ATAD1: variants seen among roughly 807,000 people sequenced by gnomAD.
ATAD1 encodes ATPase family AAA domain containing 1.
A neutral mutation model predicts 42.7 loss-of-function variants in ATAD1; 18 were observed. That is an observed-to-expected ratio of 0.42 (90% CI 0.29 to 0.63). The LOEUF (loss-of-function observed/expected upper bound fraction) is 0.63. Ranked by LOEUF, ATAD1 falls within the 20% of genes least tolerant of loss-of-function variation. The pLI, the probability that ATAD1 is intolerant of heterozygous loss-of-function variation, is 0.19. For missense variants in ATAD1, 294 were observed against 440.4 expected, an observed-to-expected ratio of 0.67 and a Z score of 2.98; for synonymous variants, 132 against 143.1, an observed-to-expected ratio of 0.92 and a Z score of 0.55.
At chr10:87,761,703 T>C (rs1016119851) in intron 8 of ATAD1, among the ~76,000 whole-genome samples, 1 of 152,028 alleles carries the variant, frequency 6.6e-6, no homozygotes, top group African/African-American at 2.4e-5. Context: ...TAAAAGAATT[T>C]CCAAAGACAG....
intron 8 of ATAD1, among the ~76,000 whole-genome samples, chr10:87,761,984 A>G (rs1222315049): frequency 6.6e-6 from 1 of 152,166 alleles, no homozygotes; most frequent in East Asian, 1.9e-4. Context: ...GCCTCAAGTG[A>G]TCCTCCCACC....
At chr10:87,840,329 G>C (rs530315446) in intron 1 of ATAD1, among the ~76,000 whole-genome samples, 2 of 152,084 alleles carry the variant, frequency 1.3e-5, no homozygotes, top group South Asian at 4.2e-4. Flanking sequence ...AAAAATAAAA[G>C]TAAAAAATTA....
chr10:87,817,989 G>A (rs1857505419), intron 1 of ATAD1, 178 bp downstream of exon 1: 28 of 985,714 alleles, frequency 2.8e-5, no homozygotes, highest in Non-Finnish European at 3.3e-5. Context: ...CGCCCTTGGA[G>A]GTTAATCCTC....
chr10:87,765,857 A>T (rs1184160214), intron 8 of ATAD1, among the ~76,000 whole-genome samples: 1 of 151,948 alleles, frequency 6.6e-6, no homozygotes, highest in East Asian at 1.9e-4. Flanking sequence ...GCAAGATACC[A>T]TCTCAACAAA....
At chr10:87,768,292 T>C (rs773813304) in intron 7 of ATAD1, among the ~76,000 whole-genome samples, 1 of 152,208 alleles carries the variant, frequency 6.6e-6, no homozygotes, top group Non-Finnish European at 1.5e-5. Flanking sequence ...GCTCCTTTTA[T>C]AGAATCCCTC....
At chr10:87,782,043 A>G (rs998780757) in intron 5 of ATAD1, among the ~76,000 whole-genome samples, 2 of 152,150 alleles carry the variant, frequency 1.3e-5, no homozygotes. Flanking sequence ...ACATCCTCAG[A>G]TAAGTGGCTT....
intron 5 of ATAD1, among the ~76,000 whole-genome samples, chr10:87,778,392 T>C (rs941310964): frequency 7.3e-6 from 1 of 136,488 alleles, no homozygotes; most frequent in Non-Finnish European, 1.6e-5. Context: ...CCCTCCCTTA[T>C]CCAAGATGCT....
At chr10:87,839,973 A>G (rs1858002163) in intron 1 of ATAD1, among the ~76,000 whole-genome samples, 1 of 152,188 alleles carries the variant, frequency 6.6e-6, no homozygotes, top group African/African-American at 2.4e-5. Context: ...TGGTGGCCAG[A>G]GACATGAATT....
At chr10:87,798,710 C>T (rs939212872) in intron 2 of ATAD1, among the ~76,000 whole-genome samples, 6 of 145,118 alleles carry the variant, frequency 4.1e-5, no homozygotes, top group Admixed American at 7.0e-5. Flanking sequence ...CAATTAAATC[C>T]ACTTTAATTT....
At chr10:87,774,681 G>A (rs1439418839) in intron 6 of ATAD1, among the ~76,000 whole-genome samples, 1 of 152,152 alleles carries the variant, frequency 6.6e-6, no homozygotes, top group Non-Finnish European at 1.5e-5. Context: ...CAGGCACAGT[G>A]GCTTAACCTG....
chr10:87,817,284 C>A (rs770221131), intron 1 of ATAD1, among the ~76,000 whole-genome samples: 1 of 152,286 alleles, frequency 6.6e-6, no homozygotes, highest in African/African-American at 2.4e-5. Flanking sequence ...AAGCTGCATG[C>A]GCATACAACA....
chr10:87,832,692 T>G (rs539326106), intron 1 of ATAD1: 1 of 152,218 alleles, frequency 6.6e-6, no homozygotes, highest in Admixed American at 6.5e-5. Context: ...CAATTTAAAA[T>G]TGTATTAATT....
intron 1 of ATAD1, among the ~76,000 whole-genome samples, chr10:87,816,647 C>T (rs970188391): frequency 8.5e-5 from 13 of 152,118 alleles, no homozygotes; most frequent in African/African-American, 3.1e-4. Flanking sequence ...CCAAAGTGTG[C>T]TATCTTCCAT....
At chr10:87,833,928 C>A (rs747206076) in intron 1 of ATAD1, among the ~76,000 whole-genome samples, 1 of 152,014 alleles carries the variant, frequency 6.6e-6, no homozygotes, top group Non-Finnish European at 1.5e-5. Context: ...GTTTGCCAGG[C>A]TGCTCTCGAA....
intron 5 of ATAD1, among the ~76,000 whole-genome samples, chr10:87,782,239 C>T (rs561877246): frequency 1.1e-4 from 16 of 152,178 alleles, no homozygotes; most frequent in Non-Finnish European, 2.2e-4. Flanking sequence ...AGCTTTAAGA[C>T]GCTGAATGTG....
At chr10:87,811,693 C>T (rs542674626) in intron 2 of ATAD1, among the ~76,000 whole-genome samples, 1 of 152,306 alleles carries the variant, frequency 6.6e-6, no homozygotes, top group Non-Finnish European at 1.5e-5. Context: ...GATATCTACA[C>T]ATACAGGAAT....
intron 1 of ATAD1, chr10:87,831,997 GCTAT>G (rs1444492214): frequency 6.6e-6 from 1 of 151,440 alleles, no homozygotes; most frequent in Admixed American, 6.6e-5. Context: ...TTGTACCTGG[GCTAT>G]CTAATTCTAG....
chr10:87,767,580 A>T (rs1486158557), intron 8 of ATAD1, 93 bp downstream of exon 8: 2 of 1,182,272 alleles, frequency 1.7e-6, no homozygotes, highest in African/African-American at 3.1e-5. Flanking sequence ...CTTGGGGTAT[A>T]TCATTCTCAG....
chr10:87,791,278 G>C (rs1235551148), intron 3 of ATAD1, among the ~76,000 whole-genome samples: 9 of 151,538 alleles, frequency 5.9e-5, no homozygotes, highest in Admixed American at 1.3e-4. Flanking sequence ...CAGGGCATAC[G>C]TATTTTCAAA....
Sources: gnomAD v4.1 joint callset for allele counts (sites outside exome capture counted in the v4.1 genomes callset) on GRCh38, gnomAD v4.1.1 for gene constraint, MANE v1.5 for transcripts, NCBI Gene and HGNC (gene_info 2026-07-23, HGNC 2026-07-21) for gene names.